ZNF7: variants seen among roughly 807,000 people sequenced by gnomAD.
The protein encoded by ZNF7 is zinc finger protein 7.
In ZNF7, 10 loss-of-function variants were observed where a neutral mutation model predicts 12.0. The ratio of observed to expected loss-of-function variants is 0.83; its 90% CI spans 0.51 to 1.42. ZNF7 has a LOEUF of 1.42. Ranked by LOEUF, ZNF7 falls within the 40% of genes most tolerant of loss-of-function variation. The pLI, the probability that ZNF7 is intolerant of heterozygous loss-of-function variation, is 0.00. For missense variants in ZNF7, 854 were observed against 837.2 expected (o/e 1.02, Z -0.25); for synonymous variants, 334 against 295.0 (o/e 1.13, Z -1.35).
intron 3 of ZNF7, among the ~76,000 whole-genome samples, chr8:144,831,552 G>A (rs1384369633): frequency 6.6e-6 from 1 of 152,214 alleles, no homozygotes; most frequent in Non-Finnish European, 1.5e-5. Flanking sequence ...GGGAGGCTGA[G>A]GCGGGTGGAT....
At position 144,829,061 on chromosome 8, in the gene ZNF7, G is replaced by T. The variant is rs193167841; in HGVS notation, c.-27G>T. The stretch of plus-strand genomic sequence containing the variant: ...CCAACAGGTCTCTCGGCCAGAACAC[G>T]TGGATGCCCACCCACCACTGAGCCT... On this transcript the variant is annotated 5_prime_UTR_variant, in exon 2 of 5. Transcript: ENST00000532777. 32 of 1,613,886 alleles carry T rather than the reference G, an allele frequency of 2.0e-5. No individual in the cohort carries two copies. Among genetic ancestry groups the T allele is most frequent in the African/African-American group, 1.1e-4 (8 of 74,946 alleles).
chr8:144,828,072 C>G (rs1282553852), intron 1 of ZNF7: 1 of 152,314 alleles, frequency 6.6e-6, no homozygotes, highest in African/African-American at 2.4e-5. Context: ...TTTGTCTTCT[C>G]TAAATTCTGG....
chr8:144,829,241 C>T lies in ZNF7; in HGVS notation c.3+151C>T. On this transcript the variant is annotated intron_variant, in intron 2 of 4. Coordinates refer to ENST00000532777, the MANE Select transcript of ZNF7 (RefSeq NM_003416.4). ...CCAACCCCAAGGTAGTGAGCAAACC[C>T]CTGCCCAAACCAGGGCCTAATTGAG... 3 of 1,543,038 alleles carry T rather than the reference C, an allele frequency of 1.9e-6. No homozygotes were observed. The South Asian group carries it at 3.5e-5, about 18-fold the overall frequency.
chr8:144,833,465 T>G (rs1187421074), intron 3 of ZNF7, among the ~76,000 whole-genome samples: 1 of 151,914 alleles, frequency 6.6e-6, no homozygotes, highest in East Asian at 1.9e-4. Flanking sequence ...GCCTCCCAGG[T>G]TCAAGCAATT....
chr8:144,836,806 G>C (rs1829051570), intron 3 of ZNF7: 1 of 152,998 alleles, frequency 6.5e-6, no homozygotes, highest in Non-Finnish European at 1.5e-5. Flanking sequence ...GTGGCCCCAA[G>C]AAGGCAGGGT....
Position 144,842,417 on chromosome 8 carries a change from G to A in ZNF7, c.1310G>A (p.Gly437Glu), listed in dbSNP as rs140119157. The change falls in exon 5 of 5, where the codon GGA (glycine) becomes GAA (glutamate). Residue 437 changes from glycine (G) to glutamate (E), a missense_variant. Transcript: ENST00000532777. ...AGTCAGCATCAGCTGATTCACACTG[G>A]AGAGAAGCCTTATAAATGCAACAAG... is the stretch of plus-strand genomic sequence containing the variant. ...RLSQHQLIHTGEKPYKCNKCT... is the reference protein window; with the variant it reads ...RLSQHQLIHTEEKPYKCNKCT... 9.3e-6 allele frequency: 15 copies of A among 1,614,020 alleles called. No individual in the cohort carries two copies. Among genetic ancestry groups the A allele is most frequent in the Non-Finnish European group, 1.2e-5 (14 of 1,180,056 alleles).
chr8:144,846,391 CTA>C (rs1004715248), downstream of ZNF7: 7 of 560,544 alleles, frequency 1.2e-5, no homozygotes, highest in Non-Finnish European at 1.9e-5. Flanking sequence ...CATTTGAAAA[CTA>C]TGTTAAAATC....
Position 144,830,059 on chromosome 8 carries a change from C to T in ZNF7, c.130+455C>T, listed in dbSNP as rs570597461. ...CCACCACCGCCACAGGCAGCCACTGCGGTGCTCTTTATGTCCATGCCTGTG... is the reference window on the plus strand; with the variant it reads ...CCACCACCGCCACAGGCAGCCACTGTGGTGCTCTTTATGTCCATGCCTGTG... On this transcript the variant is annotated intron_variant, in intron 3 of 4. Transcript: ENST00000532777. 2.2e-3 allele frequency: 347 copies of T among 157,214 alleles called. 1 individual carries two copies. The highest frequency in any genetic ancestry group is 7.8e-3 in the African/African-American group (326 of 41,634). 9.7% of individuals were successfully genotyped at this position (157,214 alleles called of 1,614,324 possible). A position where few individuals can be genotyped will look rare whatever the true frequency, so the allele number is the denominator to read the frequency against.
At position 144,842,565 on chromosome 8, in the gene ZNF7, G is replaced by A. The variant is rs564102152; in HGVS notation, c.1458G>A (p.Gln486=). 1.9e-6 allele frequency: 3 copies of A among 1,614,122 alleles called. No individual in the cohort carries two copies. The highest frequency in any genetic ancestry group is 2.2e-5 in the South Asian group (2 of 91,086). ...KGFVQGSHLI[Q]HQRIHTGEKP... ...TTGTTCAGGGCTCACACCTTATTCA[G>A]CATCAGCGAATCCACACTGGAGAGA... is the stretch of plus-strand genomic sequence containing the variant. The change falls in exon 5 of 5, where the codon CAG becomes CAA. Residue 486 remains glutamine (Q), a synonymous_variant. Coordinates refer to ENST00000532777, the MANE Select transcript of ZNF7 (RefSeq NM_003416.4).
At chr8:144,837,649 C>A in intron 4 of ZNF7, 142 bp downstream of exon 4, 1 of 612,082 alleles carries the variant, frequency 1.6e-6, no homozygotes, top group Non-Finnish European at 2.8e-6. Context: ...CAGCATCCAG[C>A]ACCTAGAAGG....
chr8:144,837,413 T>A lies in ZNF7; in HGVS notation c.153T>A (p.Pro51=). 6.2e-7 allele frequency: 1 copy of A among 1,612,216 alleles called. No individual in the cohort carries two copies. Among genetic ancestry groups the A allele is most frequent in the Non-Finnish European group, 8.5e-7 (1 of 1,178,450 alleles). ...AGLAGFLVFK[P]ELISRLEQGE... ...CAGCAGGATTCCTGGTTTTCAAGCC[T>A]GAGCTGATCTCTCGGCTGGAGCAGG... Residue 51 remains proline, a synonymous_variant, in exon 4 of 5, where the codon CCT becomes CCA. Coordinates refer to ENST00000532777, the MANE Select transcript of ZNF7 (RefSeq NM_003416.4).
intron 1 of ZNF7, among the ~76,000 whole-genome samples, chr8:144,828,376 T>C (rs1029307366): frequency 2.0e-5 from 3 of 152,152 alleles, no homozygotes; most frequent in African/African-American, 7.2e-5. Flanking sequence ...GGGGTTTCCA[T>C]GTCCACTCTT....
chr8:144,829,242 C>T lies in ZNF7; in HGVS notation c.3+152C>T, dbSNP rs550011514. 6 of 1,543,492 alleles carry T rather than the reference C, an allele frequency of 3.9e-6. No individual in the cohort carries two copies. The African/African-American group carries it at 5.5e-5, about 14-fold the overall frequency. On this transcript the variant is annotated intron_variant, in intron 2 of 4. Coordinates refer to ENST00000532777, the MANE Select transcript of ZNF7 (RefSeq NM_003416.4). ...CAACCCCAAGGTAGTGAGCAAACCCCTGCCCAAACCAGGGCCTAATTGAGG... is the reference window on the plus strand; with the variant it reads ...CAACCCCAAGGTAGTGAGCAAACCCTTGCCCAAACCAGGGCCTAATTGAGG...
downstream of ZNF7, among the ~76,000 whole-genome samples, chr8:144,844,816 G>C (rs1010719176): frequency 6.6e-6 from 1 of 151,886 alleles, no homozygotes; most frequent in Non-Finnish European, 1.5e-5. Context: ...GAGGGAGTGG[G>C]GAAAGAAGAT....
chr8:144,829,905 T>C (rs1362193827), intron 3 of ZNF7: 2 of 228,486 alleles, frequency 8.8e-6, no homozygotes, highest in East Asian at 1.8e-4. Context: ...AGAGAAATTA[T>C]TGGGTGGAGA....
chr8:144,829,347 T>C, intron 2 of ZNF7, 131 bp from the exon 3 acceptor site: 6 of 1,549,738 alleles, frequency 3.9e-6, no homozygotes, highest in Non-Finnish European at 5.2e-6. Context: ...CCCAGAATAT[T>C]AGAGGCAGAG....
Position 144,842,946 on chromosome 8 carries a change from G to A in ZNF7, c.1839G>A (p.Gly613=), listed in dbSNP as rs747797568. 1 of 1,614,122 alleles carries A rather than the reference G, an allele frequency of 6.2e-7. No individual in the cohort carries two copies. The highest frequency in any genetic ancestry group is 1.1e-5 in the South Asian group (1 of 91,078). ...HTRAQWFYEY[G]NALEGSTFVS... ...GGGCCCAGTGGTTTTACGAATATGG[G>A]AATGCCCTGGAAGGGTCCACCTTTG... The change falls in exon 5 of 5, where the codon GGG becomes GGA. Residue 613 remains glycine, a synonymous_variant. Transcript: ENST00000532777.
chr8:144,829,903 T>G, intron 3 of ZNF7: 1 of 232,062 alleles, frequency 4.3e-6, no homozygotes. Flanking sequence ...AAAGAGAAAT[T>G]ATTGGGTGGA....
At chr8:144,838,947 A>AG (rs1829459177) in intron 4 of ZNF7, 1 of 151,686 alleles carries the variant, frequency 6.6e-6, no homozygotes, top group Admixed American at 6.6e-5. Context: ...GTCTCAAAAA[A>AG]AAAAAAAAAA....
Sources: gnomAD v4.1 joint callset for allele counts (sites outside exome capture counted in the v4.1 genomes callset) on GRCh38, gnomAD v4.1.1 for gene constraint, MANE v1.5 for transcripts, NCBI Gene and HGNC (gene_info 2026-07-23, HGNC 2026-07-21) for gene names.